The following DPP6 variants were observed in gnomAD, a reference collection of about 807,000 sequenced individuals.
DPP6 encodes A-type potassium channel modulatory protein DPP6.
In DPP6, 69 loss-of-function variants were observed where a neutral mutation model predicts 122.6. The observed-to-expected ratio is 0.56, with a 90% CI of 0.46 to 0.69. The LOEUF (loss-of-function observed/expected upper bound fraction) is 0.69, where lower values mean the gene tolerates loss of function less well. DPP6 is among the 30% of genes least tolerant of loss of function. The pLI is 0.00. For synonymous variants in DPP6, 418 were observed against 433.1 expected, an observed-to-expected ratio of 0.97 and a Z score of 0.43; for missense variants, 928 against 1,116.9, an observed-to-expected ratio of 0.83 and a Z score of 2.41.
the DPP6 span, among the ~76,000 whole-genome samples, chr7:153,775,517 C>T: frequency 2.4e-3 from 365 of 151,356 alleles, 1 homozygote; most frequent in Non-Finnish European, 3.7e-3. Context: ...GTCCTAGTTA[C>T]GAAAATTATT....
intron 1 of DPP6, among the ~76,000 whole-genome samples, chr7:154,115,247 C>T (rs1050513695): frequency 6.6e-6 from 1 of 152,194 alleles, no homozygotes; most frequent in Non-Finnish European, 1.5e-5. Context: ...TGCCACTCAT[C>T]AGCTCATGGT....
chr7:154,005,115 T>C (rs1435660669), intron 1 of DPP6, among the ~76,000 whole-genome samples: 1 of 152,198 alleles, frequency 6.6e-6, no homozygotes, highest in Non-Finnish European at 1.5e-5. Flanking sequence ...ATTCTTATTC[T>C]CCAAGGGTAT....
At chr7:153,937,914 G>A (rs1312770662) in intron 1 of DPP6, among the ~76,000 whole-genome samples, 1 of 152,094 alleles carries the variant, frequency 6.6e-6, no homozygotes, top group African/African-American at 2.4e-5. Context: ...TAAGCCTGTT[G>A]GAATTACACA....
chr7:154,836,232 C>T (rs1584847155), intron 16 of DPP6, among the ~76,000 whole-genome samples: 1 of 152,226 alleles, frequency 6.6e-6, no homozygotes, highest in South Asian at 2.1e-4. Context: ...GAAGATGCAG[C>T]CCCTTGCATG....
chr7:154,312,488 CT>C (rs930929289), intron 1 of DPP6, among the ~76,000 whole-genome samples: 1 of 152,198 alleles, frequency 6.6e-6, no homozygotes, highest in Non-Finnish European at 1.5e-5. Flanking sequence ...TTAACTTCCC[CT>C]GCCAGAATTC....
At chr7:154,751,629 A>G (rs1469372783) in intron 8 of DPP6, among the ~76,000 whole-genome samples, 1 of 150,726 alleles carries the variant, frequency 6.6e-6, no homozygotes, top group East Asian at 1.9e-4. Flanking sequence ...AAAAAAAAAG[A>G]AAATGAAACT....
intron 1 of DPP6, among the ~76,000 whole-genome samples, chr7:154,154,347 G>C (rs1332262385): frequency 6.6e-6 from 1 of 152,244 alleles, no homozygotes; most frequent in African/African-American, 2.4e-5. Flanking sequence ...TTTTGTGTGT[G>C]TTTGTGTGAT....
At chr7:154,341,613 T>A (rs1050831810) in intron 1 of DPP6, among the ~76,000 whole-genome samples, 4 of 151,796 alleles carry the variant, frequency 2.6e-5, no homozygotes, top group Admixed American at 6.6e-5. Flanking sequence ...AATTGAATAA[T>A]AGGATTATAT....
chr7:153,803,406 C>T, the DPP6 span, among the ~76,000 whole-genome samples: 12 of 150,896 alleles, frequency 8.0e-5, no homozygotes, highest in South Asian at 4.2e-4. Context: ...TCCATGGAGG[C>T]GGACTCAAAT....
At chr7:153,787,920 C>T in the DPP6 span, among the ~76,000 whole-genome samples, 248 of 149,558 alleles carry the variant, frequency 1.7e-3, no homozygotes, top group Non-Finnish European at 2.4e-3. Flanking sequence ...CTCTAGTGGA[C>T]ACCTTAGAAG....
intron 3 of DPP6, among the ~76,000 whole-genome samples, chr7:154,527,536 G>T (rs1267308198): frequency 6.6e-6 from 1 of 152,090 alleles, no homozygotes; most frequent in African/African-American, 2.4e-5. Flanking sequence ...ATTATAGATA[G>T]AAATAAAATA....
At chr7:154,592,992 C>T (rs1832893542) in intron 5 of DPP6, among the ~76,000 whole-genome samples, 1 of 152,068 alleles carries the variant, frequency 6.6e-6, no homozygotes, top group African/African-American at 2.4e-5. Context: ...CAGGCGTCAC[C>T]CAGGCTGCGG....
chr7:153,841,181 A>G, the DPP6 span, among the ~76,000 whole-genome samples: 2 of 152,192 alleles, frequency 1.3e-5, no homozygotes, highest in Non-Finnish European at 2.9e-5. Context: ...TTACTTCAAC[A>G]TGGTGCAGAA....
chr7:154,215,975 G>T (rs557633025), intron 1 of DPP6, among the ~76,000 whole-genome samples: 28 of 151,998 alleles, frequency 1.8e-4, no homozygotes, highest in Non-Finnish European at 4.1e-4. Flanking sequence ...CTAAAAGGCT[G>T]CAGAGAGGGC....
At chr7:154,575,882 GGATCTACAGGTTTT>G (rs1831640088) in intron 5 of DPP6, among the ~76,000 whole-genome samples, 1 of 151,894 alleles carries the variant, frequency 6.6e-6, no homozygotes, top group Non-Finnish European at 1.5e-5. Context: ...GCATTCCAGC[GGATCTACAGGTTTT>G]GAGGTTTCAG....
intron 10 of DPP6, among the ~76,000 whole-genome samples, chr7:154,784,133 T>G (rs777878862): frequency 6.6e-6 from 1 of 152,258 alleles, no homozygotes; most frequent in African/African-American, 2.4e-5. Context: ...GTGAGCCTCA[T>G]GCCCAACATG....
At chr7:154,008,942 G>A (rs1372536134) in intron 1 of DPP6, among the ~76,000 whole-genome samples, 1 of 148,412 alleles carries the variant, frequency 6.7e-6, no homozygotes, top group East Asian at 2.0e-4. Flanking sequence ...TGGGATTACA[G>A]GCGTGAGCCA....
chr7:154,617,680 A>G (rs1364334501), intron 5 of DPP6, among the ~76,000 whole-genome samples: 1 of 152,222 alleles, frequency 6.6e-6, no homozygotes, highest in Admixed American at 6.5e-5. Context: ...AATATGTAAG[A>G]GTATTGGTTA....
intron 3 of DPP6, among the ~76,000 whole-genome samples, chr7:154,535,245 GA>G (rs2130172102): frequency 6.6e-6 from 1 of 152,116 alleles, no homozygotes; most frequent in African/African-American, 2.4e-5. Context: ...GACCCTAAAT[GA>G]AAGAGCTAAA....
Sources: allele counts gnomAD v4.1 joint callset (sites outside exome capture counted in the v4.1 genomes callset), GRCh38; gene constraint gnomAD v4.1.1; transcripts MANE v1.5; gene names NCBI Gene and HGNC (gene_info 2026-07-23, HGNC 2026-07-21).